Variants in ARID4B observed in about 807,000 individuals in gnomAD.
The protein encoded by ARID4B is AT-rich interaction domain 4B.
Under a neutral mutation model 147.5 loss-of-function variants are expected in ARID4B, and 26 were observed. That is an observed-to-expected ratio of 0.18 (90% CI 0.13 to 0.24). ARID4B has a LOEUF of 0.24. ARID4B is among the 10% of genes least tolerant of loss of function. The pLI is 1.00. For synonymous variants in ARID4B, 512 were observed against 507.9 expected, an observed-to-expected ratio of 1.01 and a Z score of -0.11; for missense variants, 1,179 against 1,511.5, an observed-to-expected ratio of 0.78 and a Z score of 3.65.
intron 6 of ARID4B, among the ~76,000 whole-genome samples, chr1:235,252,359 T>C (rs896747687): frequency 6.6e-6 from 1 of 151,922 alleles, no homozygotes; most frequent in African/African-American, 2.4e-5. Flanking sequence ...GCAGTAGCAG[T>C]AGTTAAAGAC....
intron 2 of ARID4B, among the ~76,000 whole-genome samples, chr1:235,292,515 C>G (rs576967081): frequency 2.0e-5 from 3 of 151,570 alleles, no homozygotes; most frequent in Admixed American, 2.0e-4. Flanking sequence ...ACTTGGGAGG[C>G]TGAGGCAGGA....
intron 7 of ARID4B, 150 bp from the exon 8 acceptor site, chr1:235,240,601 A>G (rs1668920741): frequency 1.4e-6 from 1 of 720,818 alleles, no homozygotes. Context: ...CTAAATTTCT[A>G]AAAAATAACA....
chr1:235,233,701 A>G (rs1356037630), intron 9 of ARID4B, among the ~76,000 whole-genome samples: 1 of 152,204 alleles, frequency 6.6e-6, no homozygotes, highest in African/African-American at 2.4e-5. Context: ...AACAGGTATC[A>G]CTATAACCAT....
chr1:235,293,130 C>T (rs1672446840), intron 2 of ARID4B, among the ~76,000 whole-genome samples: 1 of 152,210 alleles, frequency 6.6e-6, no homozygotes, highest in African/African-American at 2.4e-5. Flanking sequence ...AATCTCATTT[C>T]ATCTCAGCAA....
chr1:235,278,968 G>C (rs1190857812), intron 2 of ARID4B, among the ~76,000 whole-genome samples: 1 of 152,092 alleles, frequency 6.6e-6, no homozygotes, highest in East Asian at 1.9e-4. Flanking sequence ...CTGTCACCCA[G>C]GCTGGAAATC....
Position 235,221,552 on chromosome 1 carries a change from T to C in ARID4B, c.1163+13A>G, listed in dbSNP as rs1572012514. The C allele has an allele frequency of 6.9e-7, 1 of 1,451,026 alleles. No homozygotes were observed. The highest frequency in any genetic ancestry group is 2.3e-5 in the East Asian group (1 of 43,808). 89.9% of individuals were successfully genotyped at this position (1,451,026 alleles called of 1,614,324 possible). Reference sequence around the variant, plus strand: ...AAATACTGAAGATAATCATATCAATTATACTAACTTACTTTTTATAAGCAC... The same window carrying C: ...AAATACTGAAGATAATCATATCAATCATACTAACTTACTTTTTATAAGCAC... On this transcript the variant is annotated intron_variant, in intron 14 of 23. Coordinates refer to ENST00000264183, the MANE Select transcript of ARID4B (RefSeq NM_016374.6).
chr1:235,250,090 G>C (rs1020832549), intron 6 of ARID4B, among the ~76,000 whole-genome samples: 1 of 152,008 alleles, frequency 6.6e-6, no homozygotes, highest in Non-Finnish European at 1.5e-5. Context: ...CTGGGCAACA[G>C]AGCGAGACTC....
intron 7 of ARID4B, among the ~76,000 whole-genome samples, chr1:235,242,221 C>G (rs1669031420): frequency 6.7e-6 from 1 of 150,354 alleles, no homozygotes; most frequent in South Asian, 2.1e-4. Flanking sequence ...GCACTCCAGC[C>G]TGGGCGACAG....
chr1:235,275,319 T>C (rs1452102155), intron 2 of ARID4B, among the ~76,000 whole-genome samples: 2 of 152,202 alleles, frequency 1.3e-5, no homozygotes, highest in Admixed American at 1.3e-4. Context: ...TGCTATGAAG[T>C]TAAAGCTAGG....
intron 20 of ARID4B, among the ~76,000 whole-genome samples, chr1:235,179,583 C>A (rs1161872352): frequency 7.3e-6 from 1 of 137,092 alleles, no homozygotes; most frequent in East Asian, 2.3e-4. Flanking sequence ...CCAATTATTT[C>A]TAAAGAGATA....
intron 6 of ARID4B, among the ~76,000 whole-genome samples, chr1:235,250,800 T>A (rs1412534956): frequency 6.6e-6 from 1 of 152,178 alleles, no homozygotes; most frequent in East Asian, 1.9e-4. Context: ...GAAGGATACA[T>A]AGCCACTTGT....
intron 17 of ARID4B, among the ~76,000 whole-genome samples, chr1:235,213,427 T>C (rs974267129): frequency 2.6e-5 from 4 of 152,210 alleles, no homozygotes; most frequent in African/African-American, 9.6e-5. Flanking sequence ...TGTGGCAATG[T>C]AGTTTAAAAT....
At chr1:235,248,327 G>C (rs1468001913) in intron 6 of ARID4B, among the ~76,000 whole-genome samples, 2 of 152,174 alleles carry the variant, frequency 1.3e-5, no homozygotes, top group Non-Finnish European at 2.9e-5. Flanking sequence ...TGGGATTACA[G>C]GCATGAGCCA....
chr1:235,171,983 A>G (rs965563091), intron 23 of ARID4B, among the ~76,000 whole-genome samples: 11 of 152,088 alleles, frequency 7.2e-5, no homozygotes, highest in African/African-American at 2.7e-4. Context: ...CATGTCATTC[A>G]GGTATCAACA....
In ARID4B at chr1:235,181,565, A is replaced by G; in HGVS notation, c.3334+20T>C. The G allele has an allele frequency of 6.2e-7, 1 of 1,605,410 alleles. No individual in the cohort carries two copies. Among genetic ancestry groups the G allele is most frequent in the Non-Finnish European group, 8.5e-7 (1 of 1,177,710 alleles). On this transcript the variant is annotated intron_variant, in intron 20 of 23. Coordinates refer to ENST00000264183, the MANE Select transcript of ARID4B (RefSeq NM_016374.6). ...AGGGGAAACCCTAAAATAAGTCAAC[A>G]TACACATTTTCCTTCTCACCTTTTT...
chr1:235,279,847 G>A (rs1488944838), intron 2 of ARID4B, among the ~76,000 whole-genome samples: 1 of 152,200 alleles, frequency 6.6e-6, no homozygotes, highest in African/African-American at 2.4e-5. Flanking sequence ...TGAGTTTTAA[G>A]GAGCTTCCCG....
At chr1:235,321,787 C>T (rs957223091) in intron 2 of ARID4B, among the ~76,000 whole-genome samples, 1 of 152,146 alleles carries the variant, frequency 6.6e-6, no homozygotes. Context: ...GTGTGAGCCA[C>T]TGTGCCCGGC....
rs1668896574 is a variant in ARID4B, at chr1:235,240,254, G to A, written c.585+59C>T. 1.0e-5 allele frequency: 15 copies of A among 1,445,308 alleles called. No homozygotes were observed. The South Asian group carries it at 1.9e-4, about 19-fold the overall frequency. The allele number at this position is 1,445,308 out of a possible 1,614,324, so 89.5% of individuals were successfully genotyped here. On this transcript the variant is annotated intron_variant, in intron 8 of 23. Transcript: ENST00000264183. ...TATGAAAAACATTAGTAAGAAAATT[G>A]TTTTCTTCATAAACTTATAAAGTTT...
chr1:235,302,443 T>C (rs764936214), intron 2 of ARID4B, among the ~76,000 whole-genome samples: 2 of 152,076 alleles, frequency 1.3e-5, no homozygotes, highest in African/African-American at 2.4e-5. Context: ...TTCAAAGATA[T>C]AGTATTAAAA....
Sources: allele counts gnomAD v4.1 joint callset (sites outside exome capture counted in the v4.1 genomes callset), GRCh38; gene constraint gnomAD v4.1.1; transcripts MANE v1.5; gene names NCBI Gene and HGNC (gene_info 2026-07-23, HGNC 2026-07-21).